The following THADA variants were observed in gnomAD, a reference collection of about 807,000 sequenced individuals.
THADA encodes THADA armadillo repeat containing.
A neutral mutation model predicts 219.8 loss-of-function variants in THADA; 213 were observed. The observed-to-expected ratio is 0.97, with a 90% CI of 0.87 to 1.09. The LOEUF (loss-of-function observed/expected upper bound fraction) is 1.09. Among genes scored for constraint, THADA ranks in the 50% least tolerant of loss-of-function variants. The probability of loss-of-function intolerance (pLI) is 0.00; values close to 1 mark genes in which losing one functional copy is unlikely to be tolerated. For missense variants in THADA, 2,956 were observed against 2,311.3 expected (o/e 1.28, Z -5.72); for synonymous variants, 1,018 against 828.9 (o/e 1.23, Z -3.92).
intron 36 of THADA, among the ~76,000 whole-genome samples, chr2:43,251,165 A>C (rs554746306): frequency 2.5e-4 from 38 of 152,292 alleles, no homozygotes; most frequent in African/African-American, 9.1e-4. Flanking sequence ...CTGCATGGTA[A>C]GACTCAAATG....
chr2:43,303,032 C>A (rs1558548840), intron 31 of THADA, among the ~76,000 whole-genome samples: 1 of 151,966 alleles, frequency 6.6e-6, no homozygotes, highest in Non-Finnish European at 1.5e-5. Context: ...GGTGAAATCA[C>A]CAGGGAGCAG....
At chr2:43,507,326 T>C (rs999233823) in intron 23 of THADA, among the ~76,000 whole-genome samples, 1 of 152,210 alleles carries the variant, frequency 6.6e-6, no homozygotes, top group Non-Finnish European at 1.5e-5. Context: ...TTATGACCAA[T>C]ACTTAGTATA....
At chr2:43,406,070 T>C (rs1298033169) in intron 28 of THADA, among the ~76,000 whole-genome samples, 1 of 152,230 alleles carries the variant, frequency 6.6e-6, no homozygotes, top group African/African-American at 2.4e-5. Flanking sequence ...TGTCAGCTGC[T>C]GGGAGCTAGA....
chr2:43,335,344 T>TA (rs1205033662), intron 30 of THADA, among the ~76,000 whole-genome samples: 9 of 152,222 alleles, frequency 5.9e-5, no homozygotes, highest in African/African-American at 2.2e-4. Flanking sequence ...CAAATGATAG[T>TA]AGTTGTCAGG....
chr2:43,332,539 T>C (rs1665909277), intron 30 of THADA, among the ~76,000 whole-genome samples: 2 of 152,368 alleles, frequency 1.3e-5, no homozygotes, highest in South Asian at 4.1e-4. Flanking sequence ...CTGAATTGGC[T>C]TTAATTGACT....
At position 43,589,318 on chromosome 2, in the gene THADA, T is replaced by A. The variant is rs192016965; in HGVS notation, c.302+1506A>T. Among the ~76,000 whole-genome samples the A allele has an allele frequency of 2.3e-3, 352 of 152,274 alleles. 2 individuals carry two copies. The highest frequency in any genetic ancestry group is 4.0e-3 in the Non-Finnish European group (274 of 67,986). ...AAGAGAAGAAAATCCTGTCATATGCTATAACAGGGATGAACCTTAAGGACA... is the reference window on the plus strand; with the variant it reads ...AAGAGAAGAAAATCCTGTCATATGCAATAACAGGGATGAACCTTAAGGACA... On this transcript the variant is annotated intron_variant, in intron 4 of 37. Transcript: ENST00000405975.
intron 28 of THADA, among the ~76,000 whole-genome samples, chr2:43,421,790 A>T (rs1332874567): frequency 6.6e-6 from 1 of 152,248 alleles, no homozygotes; most frequent in African/African-American, 2.4e-5. Context: ...CAGTTACAGA[A>T]GTTACTTAAA....
At chr2:43,249,921 T>C in intron 36 of THADA, among the ~76,000 whole-genome samples, 1 of 151,910 alleles carries the variant, frequency 6.6e-6, no homozygotes, top group Non-Finnish European at 1.5e-5. Context: ...TCTTGGGAGG[T>C]GGGGATAGGT....
At chr2:43,251,674 C>G (rs1669822447) in intron 36 of THADA, among the ~76,000 whole-genome samples, 1 of 152,222 alleles carries the variant, frequency 6.6e-6, no homozygotes, top group African/African-American at 2.4e-5. Context: ...AGCCCACAGG[C>G]CTGAGCCAGC....
chr2:43,495,865 C>T (rs1389985486), intron 25 of THADA, among the ~76,000 whole-genome samples: 1 of 152,174 alleles, frequency 6.6e-6, no homozygotes. Flanking sequence ...AGGCATTGCT[C>T]TACTTCCTGT....
Position 43,355,880 on chromosome 2 carries a change from T to C in THADA, c.4228-11643A>G, listed in dbSNP as rs62137417. Among the ~76,000 whole-genome samples the C allele has an allele frequency of 8.7e-3, 1,328 of 152,314 alleles. 26 individuals are homozygous for C. The highest frequency in any genetic ancestry group is 9.1e-3 in the Non-Finnish European group (618 of 68,018). On this transcript the variant is annotated intron_variant, in intron 29 of 37. Transcript: ENST00000405975. ...AGCTGAGTGATGGATACATGGGGAT[T>C]CATTATATTATTTGTGTATATCTAA...
intron 30 of THADA, among the ~76,000 whole-genome samples, chr2:43,327,069 A>T (rs1679417482): frequency 2.6e-5 from 4 of 152,088 alleles, no homozygotes; most frequent in African/African-American, 7.2e-5. Flanking sequence ...GGAGGGGTAT[A>T]TGTGGAGAAA....
intron 29 of THADA, among the ~76,000 whole-genome samples, chr2:43,348,379 C>T (rs1667879886): frequency 6.6e-6 from 1 of 152,126 alleles, no homozygotes; most frequent in Non-Finnish European, 1.5e-5. Context: ...AGCTCTTAGG[C>T]TTTTTTGTTT....
In THADA at chr2:43,477,464, C is replaced by G. The variant is rs1450238684; in HGVS notation, c.3836+7770G>C. Among the ~76,000 whole-genome samples, 4 of 152,162 alleles carry G rather than the reference C, an allele frequency of 2.6e-5. No individual in the cohort carries two copies. The East Asian group carries it at 7.7e-4, about 29-fold the overall frequency. ...AACATCTCTTAATTTCTTGAGAAAA[C>G]TAGTATTCGTTAAAACATAGGACAT... On this transcript the variant is annotated intron_variant, in intron 26 of 37. Transcript: ENST00000405975.
intron 1 of THADA, among the ~76,000 whole-genome samples, chr2:43,594,346 G>A (rs539521099): frequency 1.4e-4 from 21 of 152,218 alleles, no homozygotes; most frequent in African/African-American, 4.8e-4. Flanking sequence ...TTGGGAGGCC[G>A]AGGCGGGTGG....
intron 31 of THADA, among the ~76,000 whole-genome samples, chr2:43,311,012 AC>A (rs1476543274): frequency 1.3e-5 from 2 of 152,314 alleles, no homozygotes; most frequent in African/African-American, 4.8e-5. Context: ...TCCTGTCTCT[AC>A]TAAAAATACA....
intron 36 of THADA, among the ~76,000 whole-genome samples, chr2:43,258,619 C>G (rs1281172094): frequency 6.6e-6 from 1 of 152,198 alleles, no homozygotes; most frequent in Non-Finnish European, 1.5e-5. Flanking sequence ...TTTGCTAAAT[C>G]TGGCAACCTT....
At chr2:43,284,717 T>C (rs1313971036) in intron 35 of THADA, among the ~76,000 whole-genome samples, 1 of 152,122 alleles carries the variant, frequency 6.6e-6, no homozygotes, top group Non-Finnish European at 1.5e-5. Flanking sequence ...GACCCCAGAA[T>C]GGTAGGTCCA....
At chr2:43,485,631 T>C (rs2105014240) in intron 25 of THADA, among the ~76,000 whole-genome samples, 1 of 152,300 alleles carries the variant, frequency 6.6e-6, no homozygotes, top group Admixed American at 6.5e-5. Context: ...TTTCTAAAAA[T>C]TCATTTTTCT....
Sources: gnomAD v4.1 joint callset for allele counts (sites outside exome capture counted in the v4.1 genomes callset) on GRCh38, gnomAD v4.1.1 for gene constraint, MANE v1.5 for transcripts, NCBI Gene and HGNC (gene_info 2026-07-23, HGNC 2026-07-21) for gene names.